The following CEMIP variants were observed in gnomAD, a reference collection of about 807,000 sequenced individuals.
CEMIP encodes the protein cell migration-inducing and hyaluronan-binding protein.
In CEMIP, 105 loss-of-function variants were observed where a neutral mutation model predicts 156.9. That is an observed-to-expected ratio of 0.67 (90% confidence interval 0.57 to 0.79). The LOEUF is 0.79. Ranked by LOEUF, CEMIP falls within the 30% of genes least tolerant of loss-of-function variation. CEMIP has a pLI of 0.00. For synonymous variants in CEMIP, 676 were observed against 668.4 expected (o/e 1.01, Z -0.17); for missense variants, 1,457 against 1,769.4 (o/e 0.82, Z 3.17).
intron 1 of CEMIP, among the ~76,000 whole-genome samples, chr15:80,836,792 C>A (rs1271788474): frequency 6.6e-6 from 1 of 152,164 alleles, no homozygotes; most frequent in Non-Finnish European, 1.5e-5. Flanking sequence ...TCCAACAGGG[C>A]ATTCAGCAAA....
chr15:80,850,554 G>A (rs1897691690), intron 1 of CEMIP, among the ~76,000 whole-genome samples: 1 of 152,202 alleles, frequency 6.6e-6, no homozygotes, highest in African/African-American at 2.4e-5. Flanking sequence ...GGGATTACAG[G>A]TGTGAGGCAT....
intron 1 of CEMIP, among the ~76,000 whole-genome samples, chr15:80,795,366 G>C (rs1411630062): frequency 6.6e-6 from 1 of 152,098 alleles, no homozygotes; most frequent in South Asian, 2.1e-4. Context: ...CTGGGCTAGG[G>C]ACCTGGTGAT....
rs755979638 is a variant in CEMIP, at chr15:80,947,045, A to G, written c.3938A>G (p.Asp1313Gly). The change falls in exon 29 of 30, where the codon GAC (aspartate) becomes GGC (glycine). Residue 1313 changes from aspartate to glycine, a missense_variant. Coordinates refer to ENST00000394685, the MANE Select transcript of CEMIP (RefSeq NM_001293298.2). ...AGAGTGCTGGAAAAGCTTGGGGCAGACAGGGGTCTCAAGTTGAAAGGTAAG... is the reference window on the plus strand; with the variant it reads ...AGAGTGCTGGAAAAGCTTGGGGCAGGCAGGGGTCTCAAGTTGAAAGGTAAG... ...WTRVLEKLGA[D>G]RGLKLKEQMA... 1 of 1,613,588 alleles carries G rather than the reference A, an allele frequency of 6.2e-7. No individual in the cohort carries two copies. The highest frequency in any genetic ancestry group is 1.1e-5 in the South Asian group (1 of 91,064).
At chr15:80,837,575 C>T (rs1363739270) in intron 1 of CEMIP, among the ~76,000 whole-genome samples, 5 of 152,206 alleles carry the variant, frequency 3.3e-5, no homozygotes, top group Non-Finnish European at 2.9e-5. Context: ...AGCCACTTCA[C>T]CAGACTGCCT....
At chr15:80,817,897 C>T (rs573193509) in intron 1 of CEMIP, among the ~76,000 whole-genome samples, 1 of 152,188 alleles carries the variant, frequency 6.6e-6, no homozygotes, top group Non-Finnish European at 1.5e-5. Flanking sequence ...ATATACATTT[C>T]CATTTTGGCA....
chr15:80,831,869 G>T (rs923130353), intron 1 of CEMIP, among the ~76,000 whole-genome samples: 1 of 152,192 alleles, frequency 6.6e-6, no homozygotes, highest in African/African-American at 2.4e-5. Flanking sequence ...GGGCGTTAGT[G>T]CCAAATTCCT....
rs141940440 is a variant in CEMIP, at chr15:80,816,896, C to T, written c.-176+37282C>T. Among the ~76,000 whole-genome samples the T allele has an allele frequency of 4.9e-4, 74 of 152,178 alleles. No homozygotes were observed. The East Asian group carries it at 0.012, about 24-fold the overall frequency. On this transcript the variant is annotated intron_variant, in intron 1 of 29. Coordinates refer to ENST00000394685, the MANE Select transcript of CEMIP (RefSeq NM_001293298.2). ...TCTAGGAGAGTAACTGCAAACAAAGCGGCAGACGGGGTTCTCGCTCCTCAG... is the reference window on the plus strand; with the variant it reads ...TCTAGGAGAGTAACTGCAAACAAAGTGGCAGACGGGGTTCTCGCTCCTCAG...
chr15:80,795,501 G>C (rs1440825679), intron 1 of CEMIP, among the ~76,000 whole-genome samples: 1 of 152,078 alleles, frequency 6.6e-6, no homozygotes, highest in African/African-American at 2.4e-5. Context: ...AGGTGTCCAG[G>C]AGAACTCCCA....
intron 1 of CEMIP, among the ~76,000 whole-genome samples, chr15:80,829,962 G>GC (rs1245991073): frequency 1.6e-5 from 2 of 126,120 alleles, no homozygotes; most frequent in South Asian, 5.9e-4. Context: ...AAGGGAGGTA[G>GC]CGGGTGTGTG....
chr15:80,813,832 T>C (rs1056797629), intron 1 of CEMIP, among the ~76,000 whole-genome samples: 1 of 152,186 alleles, frequency 6.6e-6, no homozygotes, highest in African/African-American at 2.4e-5. Context: ...AATATTTATA[T>C]CAATTACTGC....
intron 1 of CEMIP, among the ~76,000 whole-genome samples, chr15:80,855,270 C>G (rs554523833): frequency 1.3e-5 from 2 of 152,346 alleles, no homozygotes; most frequent in East Asian, 3.9e-4. Flanking sequence ...GCTTACCTCA[C>G]TCTTCCTCAA....
At chr15:80,855,153 C>A (rs2141749454) in intron 1 of CEMIP, among the ~76,000 whole-genome samples, 1 of 152,310 alleles carries the variant, frequency 6.6e-6, no homozygotes, top group Middle Eastern at 3.4e-3. Flanking sequence ...TGCCACTGCA[C>A]TGAAGCTCTT....
At chr15:80,938,383 G>C (rs1167126045) in intron 25 of CEMIP, among the ~76,000 whole-genome samples, 3 of 152,114 alleles carry the variant, frequency 2.0e-5, no homozygotes, top group African/African-American at 7.2e-5. Context: ...GAGGTGGGTG[G>C]ATCACAAGGT....
chr15:80,900,884 G>T, intron 12 of CEMIP: 1 of 453,494 alleles, frequency 2.2e-6, no homozygotes, highest in Non-Finnish European at 4.4e-6. Context: ...TGCAGACACG[G>T]ACACGATCTC....
At chr15:80,898,473 G>A (rs1899322665) in intron 12 of CEMIP, among the ~76,000 whole-genome samples, 1 of 152,350 alleles carries the variant, frequency 6.6e-6, no homozygotes, top group African/African-American at 2.4e-5. Flanking sequence ...GGGAAAGGAG[G>A]AAGGGGTGTG....
At chr15:80,852,044 G>A (rs1897728203) in intron 1 of CEMIP, among the ~76,000 whole-genome samples, 1 of 152,168 alleles carries the variant, frequency 6.6e-6, no homozygotes, top group Non-Finnish European at 1.5e-5. Flanking sequence ...AAGGGGGACA[G>A]GTTGAGTTCA....
Position 80,887,535 on chromosome 15 carries a change from G to A in CEMIP, c.798-159G>A, listed in dbSNP as rs11631636. On this transcript the variant is annotated intron_variant, in intron 7 of 29. Coordinates refer to ENST00000394685, the MANE Select transcript of CEMIP (RefSeq NM_001293298.2). ...CTTGCAAAGAAAGGTGCTTCTTCTG[G>A]AGAAGAGAAGCCCAGCAAGTGAATG... 0.29 allele frequency among the ~76,000 whole-genome samples: 44,254 copies of A among 152,108 alleles called. 8,010 individuals carry two copies. The highest frequency in any genetic ancestry group is 0.42 in the Non-Finnish European group (28,401 of 67,960).
intron 1 of CEMIP, among the ~76,000 whole-genome samples, chr15:80,808,657 C>T (rs1349397620): frequency 6.6e-6 from 1 of 151,296 alleles, no homozygotes; most frequent in Non-Finnish European, 1.5e-5. Context: ...AAAAAAACAA[C>T]AGAAAAAATT....
At chr15:80,939,951 T>A (rs772443434) in intron 25 of CEMIP, among the ~76,000 whole-genome samples, 1 of 152,142 alleles carries the variant, frequency 6.6e-6, no homozygotes, top group Non-Finnish European at 1.5e-5. Context: ...GATTTCAAAG[T>A]GTGAAATATA....
Sources: gnomAD v4.1 joint callset for allele counts (sites outside exome capture counted in the v4.1 genomes callset) on GRCh38, gnomAD v4.1.1 for gene constraint, MANE v1.5 for transcripts, NCBI Gene and HGNC (gene_info 2026-07-23, HGNC 2026-07-21) for gene names.